ASTN1: variants seen among roughly 807,000 people sequenced by gnomAD.
ASTN1 encodes astrotactin-1.
In ASTN1, 41 loss-of-function variants were observed where a neutral mutation model predicts 140.7. The ratio of observed to expected loss-of-function variants is 0.29; its 90% CI spans 0.23 to 0.38. ASTN1 has a LOEUF of 0.38. ASTN1 is among the 10% of genes least tolerant of loss of function. ASTN1 has a pLI of 1.00. For synonymous variants in ASTN1, 640 were observed against 652.2 expected (o/e 0.98, Z 0.29); for missense variants, 1,479 against 1,678.8 (o/e 0.88, Z 2.08).
At chr1:177,017,828 G>T (rs1313899325) in intron 7 of ASTN1, among the ~76,000 whole-genome samples, 1 of 152,160 alleles carries the variant, frequency 6.6e-6, no homozygotes, top group African/African-American at 2.4e-5. Flanking sequence ...GACGCCTCGA[G>T]GTACCTTGGA....
At chr1:177,092,056 T>G (rs1679782163) in intron 1 of ASTN1, among the ~76,000 whole-genome samples, 1 of 152,196 alleles carries the variant, frequency 6.6e-6, no homozygotes, top group Non-Finnish European at 1.5e-5. Flanking sequence ...ATTCTATGTT[T>G]AACTTTTTGA....
chr1:177,147,860 C>A (rs887854761), intron 1 of ASTN1, among the ~76,000 whole-genome samples: 1 of 152,140 alleles, frequency 6.6e-6, no homozygotes, highest in Non-Finnish European at 1.5e-5. Context: ...GAGAAAGACA[C>A]CTCCTTCCTT....
At chr1:177,159,625 G>A (rs1289209522) in intron 1 of ASTN1, among the ~76,000 whole-genome samples, 2 of 152,178 alleles carry the variant, frequency 1.3e-5, no homozygotes, top group African/African-American at 4.8e-5. Flanking sequence ...CTCAAAATAA[G>A]TTCTAAGCAC....
In ASTN1 at chr1:176,888,095, G is replaced by T. The variant is rs1402679153; in HGVS notation, c.3050C>A (p.Thr1017Asn). The stretch of plus-strand genomic sequence containing the variant: ...CACAGGCTGTGGGAGAGGCGCACAG[G>T]TGGGGAGTCCATCAGCTCCAAAAGC... ...STAFGADGLP[T>N]CAPLPQPVLR... Residue 1017 changes from threonine (T) to asparagine (N), a missense_variant, in exon 18 of 23, where the codon ACC (threonine) becomes AAC (asparagine). By Grantham distance (65) the Thr-to-Asn change is moderately conservative. Coordinates refer to ENST00000361833, the MANE Select transcript of ASTN1 (RefSeq NM_004319.3). 2 of 1,614,008 alleles carry T rather than the reference G, an allele frequency of 1.2e-6. No individual in the cohort carries two copies. Among genetic ancestry groups the T allele is most frequent in the African/African-American group, 1.3e-5 (1 of 74,918 alleles).
intron 15 of ASTN1, 96 bp downstream of exon 15, chr1:176,936,170 G>C (rs1331724935): frequency 1.9e-6 from 2 of 1,054,752 alleles, no homozygotes; most frequent in Admixed American, 3.7e-5. Context: ...TACATTTTAG[G>C]CTGCATCTTC....
In ASTN1 at chr1:177,061,264, C is replaced by A; in HGVS notation, c.285G>T (p.Glu95Asp). The change falls in exon 2 of 23, where the codon GAG (glutamate) becomes GAT (aspartate). Residue 95 changes from glutamate to aspartate, a missense_variant and splice_region_variant. Physicochemically the swap from Glu to Asp is conservative, Grantham distance 45. This residue lies in a region of ASTN1 where 729 missense variants were observed against 860.4 expected (regional missense o/e 0.85). Coordinates refer to ENST00000361833, the MANE Select transcript of ASTN1 (RefSeq NM_004319.3). ...ENTELPYFVL[E>D]ISGNTEDIPL... ...GGATATCCTCTGTGTTCCCTGAGATCTCTAGAAGATGAACACCAAAGGCAC... is the reference window on the plus strand; with the variant it reads ...GGATATCCTCTGTGTTCCCTGAGATATCTAGAAGATGAACACCAAAGGCAC... 6.6e-7 allele frequency: 1 copy of A among 1,520,898 alleles called. No homozygotes were observed. The highest frequency in any genetic ancestry group is 1.3e-5 in the South Asian group (1 of 76,078). 94.2% of individuals were successfully genotyped at this position (1,520,898 alleles called of 1,614,324 possible).
chr1:177,111,816 G>A (rs1396619122), intron 1 of ASTN1, among the ~76,000 whole-genome samples: 1 of 152,132 alleles, frequency 6.6e-6, no homozygotes, highest in East Asian at 1.9e-4. Flanking sequence ...TTTGTATGGT[G>A]GGCTTTTGGT....
rs146301964 is a variant in ASTN1 at position 176,863,565 on chromosome 1, T to C, written c.*719A>G. 3.2e-4 allele frequency: 320 copies of C among 985,362 alleles called. No individual in the cohort carries two copies. The Middle Eastern group carries it at 6.3e-3, about 19-fold the overall frequency. The allele number at this position is 985,362 out of a possible 1,614,324, so 61.0% of individuals were successfully genotyped here. A position where few individuals can be genotyped will look rare whatever the true frequency, so the allele number is the denominator to read the frequency against. ...ATGGCATCTTGTTCCCTCTCAAAGA[T>C]CATGTTGTTCAGAGGAAGGGACAGA... On this transcript the variant is annotated 3_prime_UTR_variant, in exon 23 of 23. Transcript: ENST00000361833.
intron 16 of ASTN1, among the ~76,000 whole-genome samples, chr1:176,897,056 C>T (rs1669537947): frequency 6.6e-6 from 1 of 152,128 alleles, no homozygotes; most frequent in Non-Finnish European, 1.5e-5. Context: ...GCGGGTGGAT[C>T]ACGAAGTCAA....
chr1:176,993,877 T>C (rs2101901181), intron 8 of ASTN1, among the ~76,000 whole-genome samples: 1 of 152,338 alleles, frequency 6.6e-6, no homozygotes, highest in South Asian at 2.1e-4. Context: ...GACTCTCTTG[T>C]AGCCTACACT....
At chr1:176,867,885 G>C (rs1201938127) in intron 22 of ASTN1, among the ~76,000 whole-genome samples, 1 of 152,070 alleles carries the variant, frequency 6.6e-6, no homozygotes, top group Admixed American at 6.5e-5. Flanking sequence ...AATTCTTTAA[G>C]GGACAGAGGA....
intron 14 of ASTN1, among the ~76,000 whole-genome samples, chr1:176,943,091 C>T (rs950785649): frequency 4.0e-5 from 6 of 151,652 alleles, no homozygotes; most frequent in Admixed American, 6.6e-5. Flanking sequence ...AACAGAGAAA[C>T]GTACAAAGCA....
chr1:176,871,686 G>A (rs1486422027), intron 21 of ASTN1, among the ~76,000 whole-genome samples: 1 of 152,184 alleles, frequency 6.6e-6, no homozygotes, highest in Non-Finnish European at 1.5e-5. Flanking sequence ...CCTAGAGCAT[G>A]AATATTTCTG....
chr1:176,928,526 C>A (rs1026725393), intron 16 of ASTN1, among the ~76,000 whole-genome samples: 1 of 152,062 alleles, frequency 6.6e-6, no homozygotes, highest in South Asian at 2.1e-4. Flanking sequence ...AGCAGAGAAC[C>A]CTGTCTGAGT....
At chr1:177,051,857 A>G (rs1168105605) in intron 2 of ASTN1, among the ~76,000 whole-genome samples, 2 of 152,174 alleles carry the variant, frequency 1.3e-5, no homozygotes, top group East Asian at 1.9e-4. Flanking sequence ...ACAATCTTGT[A>G]TGTGTGGATA....
intron 8 of ASTN1, among the ~76,000 whole-genome samples, chr1:176,999,725 G>A (rs1210403575): frequency 3.3e-5 from 5 of 152,060 alleles, no homozygotes; most frequent in Non-Finnish European, 7.4e-5. Context: ...GGACCCGGTG[G>A]GAGGTAATTG....
At chr1:177,104,739 C>A (rs887557268) in intron 1 of ASTN1, among the ~76,000 whole-genome samples, 2 of 152,146 alleles carry the variant, frequency 1.3e-5, no homozygotes, top group African/African-American at 2.4e-5. Context: ...GAATGCTAGT[C>A]CAAAAAAGGG....
intron 21 of ASTN1, among the ~76,000 whole-genome samples, chr1:176,871,238 G>A (rs983614856): frequency 6.6e-6 from 1 of 152,040 alleles, no homozygotes; most frequent in Non-Finnish European, 1.5e-5. Context: ...AGAGGCCAAG[G>A]GACTCTTCTA....
intron 16 of ASTN1, among the ~76,000 whole-genome samples, chr1:176,906,834 ACT>A (rs1571491182): frequency 2.1e-5 from 3 of 142,590 alleles, no homozygotes; most frequent in Admixed American, 7.2e-5. Flanking sequence ...ACAGAGTGAG[ACT>A]CTCTCTCAAA....
Sources: allele counts gnomAD v4.1 joint callset (sites outside exome capture counted in the v4.1 genomes callset), GRCh38; gene constraint gnomAD v4.1.1; regional missense constraint gnomAD v4.1.1; transcripts MANE v1.5; gene names NCBI Gene and HGNC (gene_info 2026-07-23, HGNC 2026-07-21).